Variants in SPIRE1 observed in about 807,000 individuals in gnomAD.
SPIRE1 encodes spire type actin nucleation factor 1.
SPIRE1 carries 40 observed loss-of-function variants against 94.1 expected under a neutral mutation model. The observed-to-expected ratio is 0.43, with a 90% CI of 0.33 to 0.55. The LOEUF is 0.55. SPIRE1 is among the 20% of genes least tolerant of loss of function. SPIRE1 has a pLI of 0.06. For synonymous variants in SPIRE1, 376 were observed against 371.7 expected (o/e 1.01, Z -0.13); for missense variants, 838 against 975.2 (o/e 0.86, Z 1.87).
chr18:12,610,438 T>A (rs1409759179), intron 2 of SPIRE1, among the ~76,000 whole-genome samples: 2 of 152,168 alleles, frequency 1.3e-5, no homozygotes, highest in Non-Finnish European at 2.9e-5. Flanking sequence ...CCCTCATTCC[T>A]CACCCCTATG....
chr18:12,534,378 G>C (rs568548871), intron 4 of SPIRE1, among the ~76,000 whole-genome samples: 33 of 152,178 alleles, frequency 2.2e-4, no homozygotes, highest in Non-Finnish European at 1.6e-4. Flanking sequence ...TAAAAGAAAT[G>C]ATACTGTGAC....
chr18:12,516,266 G>C (rs1445338366), intron 4 of SPIRE1: 1 of 152,164 alleles, frequency 6.6e-6, no homozygotes, highest in African/African-American at 2.4e-5. Flanking sequence ...ATTTACAAGC[G>C]TAAGAACATG....
chr18:12,547,632 C>G (rs975606822), intron 2 of SPIRE1, among the ~76,000 whole-genome samples: 8 of 151,084 alleles, frequency 5.3e-5, no homozygotes, highest in Non-Finnish European at 8.9e-5. Flanking sequence ...CTCTCTGTGT[C>G]TCTCTCTCTC....
intron 2 of SPIRE1, among the ~76,000 whole-genome samples, chr18:12,632,516 AT>A (rs1162437056): frequency 7.2e-5 from 11 of 152,152 alleles, no homozygotes; most frequent in Non-Finnish European, 1.3e-4. Context: ...TGCTATCTTA[AT>A]TACCAAAGTA....
chr18:12,493,614 T>C (rs1045599758), intron 7 of SPIRE1, among the ~76,000 whole-genome samples: 1 of 151,974 alleles, frequency 6.6e-6, no homozygotes, highest in African/African-American at 2.4e-5. Flanking sequence ...ACCAAGTTGG[T>C]CAGGCTGGTC....
At chr18:12,587,222 CA>C (rs2036412153) in intron 2 of SPIRE1, among the ~76,000 whole-genome samples, 1 of 152,114 alleles carries the variant, frequency 6.6e-6, no homozygotes, top group Non-Finnish European at 1.5e-5. Flanking sequence ...TGATTATATA[CA>C]GAATAAATTC....
chr18:12,551,575 G>A (rs369093305), intron 2 of SPIRE1, among the ~76,000 whole-genome samples: 1 of 151,978 alleles, frequency 6.6e-6, no homozygotes, highest in East Asian at 1.9e-4. Context: ...CGTGGTGACA[G>A]GTGCCTGTAG....
chr18:12,501,072 C>CAACAAAAAAAAA (rs2033643828), intron 6 of SPIRE1, among the ~76,000 whole-genome samples: 1 of 80,226 alleles, frequency 1.2e-5, no homozygotes, highest in Non-Finnish European at 2.3e-5. Context: ...AACTCTGTCT[C>CAACAAAAAAAAA]AAAAAAAAAA....
At chr18:12,531,023 T>C (rs77712177) in intron 4 of SPIRE1, among the ~76,000 whole-genome samples, 2 of 152,360 alleles carry the variant, frequency 1.3e-5, no homozygotes, top group Non-Finnish European at 2.9e-5. Context: ...TCTTTGACAC[T>C]TCTATGATAC....
chr18:12,597,496 G>A (rs1167206147), intron 2 of SPIRE1, among the ~76,000 whole-genome samples: 3 of 152,190 alleles, frequency 2.0e-5, no homozygotes, highest in African/African-American at 7.2e-5. Flanking sequence ...CTATTGGGGA[G>A]ACTGTATTTG....
chr18:12,554,083 G>A (rs543071105), intron 2 of SPIRE1, among the ~76,000 whole-genome samples: 9 of 152,120 alleles, frequency 5.9e-5, no homozygotes, highest in African/African-American at 1.4e-4. Flanking sequence ...GGTGGATCAC[G>A]AGGTCAGGAG....
chr18:12,557,299 C>T (rs1035249518), intron 2 of SPIRE1, among the ~76,000 whole-genome samples: 11 of 152,300 alleles, frequency 7.2e-5, no homozygotes, highest in Admixed American at 3.3e-4. Context: ...CCCTGCCCCA[C>T]GGGCAGGCAG....
intron 2 of SPIRE1, among the ~76,000 whole-genome samples, chr18:12,607,596 T>TACACACACACAC (rs34187168): frequency 2.2e-4 from 32 of 146,338 alleles, no homozygotes; most frequent in African/African-American, 5.1e-4. Flanking sequence ...TCCACAGCAC[T>TACACACACACAC]ACACACACAC....
intron 12 of SPIRE1, among the ~76,000 whole-genome samples, chr18:12,462,112 T>A (rs1448037035): frequency 1.3e-5 from 2 of 152,206 alleles, no homozygotes; most frequent in Admixed American, 1.3e-4. Context: ...TTTTGGTGAT[T>A]ATTCTGGAGC....
At chr18:12,631,548 C>CAAAAAAAAAAAAAAAAAAAA (rs869278182) in intron 2 of SPIRE1, among the ~76,000 whole-genome samples, 16 of 63,790 alleles carry the variant, frequency 2.5e-4, no homozygotes, top group Admixed American at 4.4e-4. Flanking sequence ...CCCATCTCTA[C>CAAAAAAAAAAAAAAAAAAAA]AAAAAAAAAA....
chr18:12,459,627 G>C (rs188450319), intron 12 of SPIRE1: 3 of 420,886 alleles, frequency 7.1e-6, no homozygotes, highest in Non-Finnish European at 9.6e-6. Flanking sequence ...CCTGCACAAG[G>C]GTGGAATCAA....
chr18:12,654,253 C>T (rs187564751), intron 1 of SPIRE1, among the ~76,000 whole-genome samples: 19 of 148,624 alleles, frequency 1.3e-4, no homozygotes, highest in African/African-American at 4.7e-4. Context: ...AGGAGAATTG[C>T]TTGAACCCTG....
At chr18:12,531,261 C>G (rs1387025642) in intron 4 of SPIRE1, among the ~76,000 whole-genome samples, 1 of 152,090 alleles carries the variant, frequency 6.6e-6, no homozygotes, top group African/African-American at 2.4e-5. Flanking sequence ...TGTGCATATG[C>G]AGGACCATCA....
rs2035637325 is a variant in SPIRE1 at position 12,559,986 on chromosome 18, T to C, written c.373-13082A>G. Among the ~76,000 whole-genome samples, 1 of 152,218 alleles carries C rather than the reference T, an allele frequency of 6.6e-6. No homozygotes were observed. The highest frequency in any genetic ancestry group is 2.1e-4 in the South Asian group (1 of 4,832). Reference sequence around the variant, plus strand: ...GAATTAGAAATGGCAAACAGGTATATGAAAAGGTGCTTGACATCATTGATT... The same window carrying C: ...GAATTAGAAATGGCAAACAGGTATACGAAAAGGTGCTTGACATCATTGATT... On this transcript the variant is annotated intron_variant, in intron 2 of 16. Transcript: ENST00000409402. This position sits in a 1 kb window ranked among gnomAD's most constrained non-coding sequence, Gnocchi z 4.7.
Sources: gnomAD v4.1 joint callset for allele counts (sites outside exome capture counted in the v4.1 genomes callset) on GRCh38, gnomAD v4.1.1 for gene constraint, Gnocchi (gnomAD v3.1) non-coding constraint, MANE v1.5 for transcripts, NCBI Gene and HGNC (gene_info 2026-07-23, HGNC 2026-07-21) for gene names.